The following TPD52 variants were observed in gnomAD, a reference collection of about 807,000 sequenced individuals.
The protein encoded by TPD52 is prostate and colon associated protein.
In TPD52, 17 loss-of-function variants were observed where a neutral mutation model predicts 31.3. The observed-to-expected ratio is 0.54, with a 90% CI of 0.37 to 0.82. The LOEUF (loss-of-function observed/expected upper bound fraction) is 0.82, where lower values mean the gene tolerates loss of function less well. Ranked by LOEUF, TPD52 falls within the 40% of genes least tolerant of loss-of-function variation. The pLI is 0.00. For missense variants in TPD52, 212 were observed against 240.1 expected (o/e 0.88, Z 0.77); for synonymous variants, 83 against 89.6 (o/e 0.93, Z 0.42).
At chr8:80,166,002 CAT>C (rs1811686567) in intron 1 of TPD52, among the ~76,000 whole-genome samples, 1 of 152,146 alleles carries the variant, frequency 6.6e-6, no homozygotes, top group Non-Finnish European at 1.5e-5. Context: ...TAAATAAATA[CAT>C]ACAAATGGCC....
At chr8:80,063,311 A>G (rs1812750279) in intron 2 of TPD52, among the ~76,000 whole-genome samples, 2 of 152,248 alleles carry the variant, frequency 1.3e-5, no homozygotes, top group Non-Finnish European at 2.9e-5. Flanking sequence ...TACATATTGT[A>G]TGATTCCATT....
At chr8:80,152,244 G>C (rs561218650) in intron 1 of TPD52, among the ~76,000 whole-genome samples, 2 of 152,260 alleles carry the variant, frequency 1.3e-5, no homozygotes, top group East Asian at 3.9e-4. Context: ...AGAGCTGACC[G>C]GGGAGAGAGG....
At chr8:80,170,327 A>T (rs1267722568) in intron 1 of TPD52, among the ~76,000 whole-genome samples, 1 of 152,154 alleles carries the variant, frequency 6.6e-6, no homozygotes, top group Admixed American at 6.6e-5. Flanking sequence ...GAGGCAGGAG[A>T]ATCACTTGAA....
At chr8:80,058,696 G>A (rs1241157672) in intron 2 of TPD52, among the ~76,000 whole-genome samples, 1 of 152,168 alleles carries the variant, frequency 6.6e-6, no homozygotes, top group Non-Finnish European at 1.5e-5. Flanking sequence ...TACTCAGGAG[G>A]CTGAGGCAGG....
At chr8:80,032,442 A>G (rs531788787), downstream of TPD52, among the ~76,000 whole-genome samples, 9 of 152,138 alleles carry the variant, frequency 5.9e-5, no homozygotes, top group African/African-American at 1.9e-4. Flanking sequence ...AGCAGTGCAC[A>G]CCTTTAGTCT....
At chr8:80,106,846 A>G (rs960971133) in intron 1 of TPD52, among the ~76,000 whole-genome samples, 5 of 142,326 alleles carry the variant, frequency 3.5e-5, no homozygotes, top group African/African-American at 1.3e-4. Flanking sequence ...CCCCAAAAAA[A>G]CATAAATAAC....
intron 1 of TPD52, among the ~76,000 whole-genome samples, chr8:80,160,566 C>A (rs1052524414): frequency 6.6e-6 from 1 of 152,140 alleles, no homozygotes; most frequent in East Asian, 1.9e-4. Context: ...TGCCAAATGT[C>A]TCAGGCAGGC....
chr8:80,161,081 G>GA (rs1390988253), intron 1 of TPD52, among the ~76,000 whole-genome samples: 2 of 151,460 alleles, frequency 1.3e-5, no homozygotes, highest in African/African-American at 2.4e-5. Context: ...AAAAGAAAAA[G>GA]AAAAAAAGAA....
chr8:80,146,223 C>T (rs113267840), intron 1 of TPD52, among the ~76,000 whole-genome samples: 12 of 152,220 alleles, frequency 7.9e-5, no homozygotes, highest in African/African-American at 2.9e-4. Context: ...GCACTGAAGT[C>T]GTGCAAAAAA....
rs886671953 is a variant in TPD52, at chr8:80,035,680, C to T, written c.*2436G>A. ...ACTCTCTTCCACTGACTACTTGGCT[C>T]TCATAAGCATAAGAATTCTTGCCCT... On this transcript the variant is annotated 3_prime_UTR_variant, in exon 8 of 8. Coordinates refer to ENST00000518937, the MANE Select transcript of TPD52 (RefSeq NM_001025253.3). The T allele has an allele frequency of 2.0e-5, 3 of 152,200 alleles. No individual in the cohort carries two copies. Among genetic ancestry groups the T allele is most frequent in the African/African-American group, 7.2e-5 (3 of 41,458 alleles). 9.4% of individuals were successfully genotyped at this position (152,200 alleles called of 1,614,324 possible).
At chr8:80,138,094 C>T (rs925026127) in intron 1 of TPD52, among the ~76,000 whole-genome samples, 3 of 152,102 alleles carry the variant, frequency 2.0e-5, no homozygotes, top group Admixed American at 6.5e-5. Flanking sequence ...CAGACATGCG[C>T]CACCACGCCC....
At chr8:80,131,855 T>C (rs1809040321) in intron 1 of TPD52, among the ~76,000 whole-genome samples, 1 of 152,134 alleles carries the variant, frequency 6.6e-6, no homozygotes, top group Admixed American at 6.5e-5. Flanking sequence ...ACAGATTTTC[T>C]ATGAAGACGC....
chr8:80,122,640 A>G (rs1808336832), intron 1 of TPD52, among the ~76,000 whole-genome samples: 1 of 152,132 alleles, frequency 6.6e-6, no homozygotes, highest in South Asian at 2.1e-4. Flanking sequence ...AAGTACATCA[A>G]ACTGATGCTG....
intron 1 of TPD52, among the ~76,000 whole-genome samples, chr8:80,154,733 A>ACG (rs1290700951): frequency 2.0e-5 from 3 of 149,698 alleles, no homozygotes; most frequent in East Asian, 1.9e-4. Context: ...ACACACACAC[A>ACG]CACACACACA....
intron 1 of TPD52, among the ~76,000 whole-genome samples, chr8:80,153,672 G>C (rs150230037): frequency 6.6e-6 from 1 of 152,270 alleles, no homozygotes; most frequent in African/African-American, 2.4e-5. Flanking sequence ...TTTAAGATAA[G>C]AGCTCTCTAT....
chr8:80,098,703 A>G (rs902562112), intron 1 of TPD52, among the ~76,000 whole-genome samples: 5 of 152,262 alleles, frequency 3.3e-5, no homozygotes, highest in African/African-American at 1.2e-4. Flanking sequence ...AAGAATTTAG[A>G]ATATTACATA....
chr8:80,106,373 T>C (rs1807109573), intron 1 of TPD52, among the ~76,000 whole-genome samples: 2 of 152,194 alleles, frequency 1.3e-5, no homozygotes, highest in Admixed American at 6.5e-5. Context: ...TTGTTGTTAT[T>C]TTGAGACAGA....
chr8:80,077,566 T>C (rs985218995), intron 1 of TPD52, among the ~76,000 whole-genome samples: 2 of 152,208 alleles, frequency 1.3e-5, no homozygotes, highest in East Asian at 1.9e-4. Flanking sequence ...GAGGCTGAGA[T>C]GTTGCGGTCT....
intron 1 of TPD52, among the ~76,000 whole-genome samples, chr8:80,130,467 C>T (rs1452653339): frequency 6.6e-6 from 1 of 152,142 alleles, no homozygotes; most frequent in Non-Finnish European, 1.5e-5. Flanking sequence ...TGGTAACCAT[C>T]TGGTTGATGA....
Sources: gnomAD v4.1 joint callset for allele counts (sites outside exome capture counted in the v4.1 genomes callset) on GRCh38, gnomAD v4.1.1 for gene constraint, MANE v1.5 for transcripts, NCBI Gene and HGNC (gene_info 2026-07-23, HGNC 2026-07-21) for gene names.